Variants in TENM2 observed in about 807,000 individuals in gnomAD.
TENM2 encodes teneurin transmembrane protein 2, also known as teneurin-2.
Under a neutral mutation model 245.2 loss-of-function variants are expected in TENM2, and 52 were observed. The observed-to-expected ratio is 0.21, with a 90% CI of 0.17 to 0.27. The LOEUF is 0.27. Ranked by LOEUF, TENM2 falls within the 10% of genes least tolerant of loss-of-function variation. TENM2 has a pLI of 1.00. For synonymous variants in TENM2, 1,363 were observed against 1,438.9 expected, an observed-to-expected ratio of 0.95 and a Z score of 1.19; for missense variants, 3,046 against 3,666.8, an observed-to-expected ratio of 0.83 and a Z score of 4.37.
chr5:168,174,096 T>C (rs1759113135), intron 13 of TENM2, among the ~76,000 whole-genome samples: 1 of 152,152 alleles, frequency 6.6e-6, no homozygotes. Context: ...CCCATCAACA[T>C]AGCATCTCAG....
At chr5:167,379,528 TTAAG>T (rs1760966521) in intron 2 of TENM2, among the ~76,000 whole-genome samples, 1 of 152,198 alleles carries the variant, frequency 6.6e-6, no homozygotes, top group Non-Finnish European at 1.5e-5. Flanking sequence ...GGAGCGTTTC[TTAAG>T]TAAACACAAA....
At chr5:168,107,876 C>T (rs772671601) in intron 9 of TENM2, among the ~76,000 whole-genome samples, 15 of 152,258 alleles carry the variant, frequency 9.9e-5, no homozygotes, top group Admixed American at 2.0e-4. Context: ...TATGACCCTG[C>T]AGTCACCTGG....
chr5:168,201,848 G>GGT (rs1562275749), intron 17 of TENM2, among the ~76,000 whole-genome samples: 2 of 151,714 alleles, frequency 1.3e-5, no homozygotes, highest in East Asian at 1.9e-4. Context: ...CCCATATAGC[G>GGT]TGGTTGGTTG....
At chr5:168,214,755 A>T (rs1763044437) in intron 20 of TENM2, 2 of 517,956 alleles carry the variant, frequency 3.9e-6, no homozygotes, top group South Asian at 3.1e-5. Context: ...TTACAAAAAC[A>T]GGATCGGAGT....
chr5:167,362,434 G>A (rs1759774199), intron 1 of TENM2, among the ~76,000 whole-genome samples: 1 of 152,160 alleles, frequency 6.6e-6, no homozygotes, highest in African/African-American at 2.4e-5. Context: ...CTGAGGCAAA[G>A]TATCTGCTAT....
chr5:168,197,923 A>C (rs1761591373), intron 15 of TENM2, among the ~76,000 whole-genome samples: 1 of 152,224 alleles, frequency 6.6e-6, no homozygotes, highest in South Asian at 2.1e-4. Flanking sequence ...GGCTGATTAG[A>C]AGAATGCTGT....
intron 2 of TENM2, among the ~76,000 whole-genome samples, chr5:167,704,005 G>T (rs1032656752): frequency 1.3e-5 from 2 of 152,146 alleles, no homozygotes; most frequent in African/African-American, 4.8e-5. Flanking sequence ...TCAAGCTTTT[G>T]TCTTAATAAG....
At chr5:167,600,111 C>T (rs2127726290) in intron 2 of TENM2, among the ~76,000 whole-genome samples, 1 of 151,850 alleles carries the variant, frequency 6.6e-6, no homozygotes, top group South Asian at 2.1e-4. Flanking sequence ...ACGTGGAACT[C>T]AGAGGAGAAA....
At chr5:167,994,527 C>T (rs1441568445) in intron 5 of TENM2, among the ~76,000 whole-genome samples, 4 of 152,260 alleles carry the variant, frequency 2.6e-5, no homozygotes, top group Admixed American at 1.3e-4. Flanking sequence ...CTGCCTAAGG[C>T]AGACCAATAT....
chr5:167,937,917 T>C (rs551460230), intron 3 of TENM2: 2 of 152,350 alleles, frequency 1.3e-5, no homozygotes, highest in South Asian at 2.1e-4. Flanking sequence ...CTCCATTTCA[T>C]GCATGCAAAG....
chr5:166,999,357 G>T, the TENM2 span, among the ~76,000 whole-genome samples: 24 of 152,272 alleles, frequency 1.6e-4, no homozygotes, highest in South Asian at 1.9e-3. Context: ...GGTCCTGCCC[G>T]TTACTGAGAA....
chr5:168,190,533 C>T, exon 14 of TENM2: 1 of 1,613,856 alleles, frequency 6.2e-7, no homozygotes, highest in African/African-American at 1.3e-5. Context: ...CTGGAGAGAA[C>T]CCTTTCAACA....
intron 12 of TENM2, among the ~76,000 whole-genome samples, chr5:168,154,202 A>G (rs1300286906): frequency 2.6e-5 from 4 of 151,146 alleles, no homozygotes; most frequent in Non-Finnish European, 4.4e-5. Flanking sequence ...ACCAAAAAGT[A>G]AGATACATCT....
chr5:167,891,696 C>T (rs1405443826), intron 3 of TENM2, among the ~76,000 whole-genome samples: 1 of 152,204 alleles, frequency 6.6e-6, no homozygotes, highest in African/African-American at 2.4e-5. Context: ...TACTCAGAAG[C>T]TGTGGACTGT....
the TENM2 span, among the ~76,000 whole-genome samples, chr5:167,153,744 G>T: frequency 1.3e-5 from 2 of 150,622 alleles, no homozygotes; most frequent in Admixed American, 1.3e-4. Context: ...AAGTCTTTCT[G>T]GTGTTTATTA....
intron 2 of TENM2, among the ~76,000 whole-genome samples, chr5:167,634,478 A>ATT (rs35834363): frequency 0.024 from 3,495 of 144,032 alleles, 96 homozygotes; most frequent in African/African-American, 0.064. Flanking sequence ...AACTTAACTG[A>ATT]TTTTTTTTTT....
intron 12 of TENM2, among the ~76,000 whole-genome samples, chr5:168,153,985 G>A (rs949242030): frequency 1.3e-5 from 2 of 151,954 alleles, no homozygotes; most frequent in South Asian, 4.2e-4. Flanking sequence ...GATAAAGCAG[G>A]CACCCCCAGG....
the TENM2 span, among the ~76,000 whole-genome samples, chr5:167,069,026 C>A: frequency 1.3e-5 from 2 of 152,052 alleles, no homozygotes; most frequent in African/African-American, 4.8e-5. Flanking sequence ...AACTCATATG[C>A]TCGTATTTTT....
chr5:167,872,608 C>T (rs1773081423), intron 2 of TENM2, among the ~76,000 whole-genome samples: 1 of 151,842 alleles, frequency 6.6e-6, no homozygotes, highest in Admixed American at 6.6e-5. Flanking sequence ...GGGGGCAGAT[C>T]TAGGGACTGA....
Sources: gnomAD v4.1 joint callset for allele counts (sites outside exome capture counted in the v4.1 genomes callset) on GRCh38, gnomAD v4.1.1 for gene constraint, MANE v1.5 for transcripts, NCBI Gene and HGNC (gene_info 2026-07-23, HGNC 2026-07-21) for gene names.